Variants in FGGY observed in about 807,000 individuals in gnomAD.
FGGY encodes FGGY carbohydrate kinase domain-containing protein.
A neutral mutation model predicts 71.3 loss-of-function variants in FGGY; 72 were observed. That is an observed-to-expected ratio of 1.01 (90% CI 0.84 to 1.23). The LOEUF (loss-of-function observed/expected upper bound fraction) is 1.23. Among genes scored for constraint, FGGY ranks in the 50% most tolerant of loss-of-function variants. The pLI, the probability that FGGY is intolerant of heterozygous loss-of-function variation, is 0.00. For synonymous variants in FGGY, 251 were observed against 250.3 expected (o/e 1.00, Z -0.02); for missense variants, 668 against 682.3 (o/e 0.98, Z 0.23).
intron 8 of FGGY, among the ~76,000 whole-genome samples, chr1:59,557,737 G>T (rs2095713222): frequency 6.6e-6 from 1 of 152,138 alleles, no homozygotes; most frequent in African/African-American, 2.4e-5. Flanking sequence ...AAAGTCATGG[G>T]GTAAGATGGA....
intron 8 of FGGY, among the ~76,000 whole-genome samples, chr1:59,594,096 G>T (rs1415146735): frequency 1.3e-5 from 2 of 152,054 alleles, no homozygotes; most frequent in Non-Finnish European, 2.9e-5. Context: ...ACCCACTAGG[G>T]ACACAAATTG....
chr1:59,587,743 G>A (rs1367874250), intron 8 of FGGY, among the ~76,000 whole-genome samples: 1 of 152,170 alleles, frequency 6.6e-6, no homozygotes, highest in Non-Finnish European at 1.5e-5. Flanking sequence ...GGTCCTGTCT[G>A]TTAGAAGGAA....
rs945967277 is a variant in FGGY, at chr1:59,353,592, A to G, written c.465+7194A>G. The stretch of plus-strand genomic sequence containing the variant: ...GCTGTAAAGCTGATTAACTTACTTG[A>G]GTACCTTCTACTTGTTTCCCTTGAC... On this transcript the variant is annotated intron_variant, in intron 4 of 15. Coordinates refer to ENST00000303721, the MANE Select transcript of FGGY (RefSeq NM_018291.5). Among the ~76,000 whole-genome samples, 3 of 152,224 alleles carry G rather than the reference A, an allele frequency of 2.0e-5. No individual in the cohort carries two copies. In the South Asian group the frequency reaches 6.2e-4, roughly 32 times the overall value.
chr1:59,390,176 A>C (rs2060529895), intron 5 of FGGY, among the ~76,000 whole-genome samples: 1 of 152,162 alleles, frequency 6.6e-6, no homozygotes, highest in South Asian at 2.1e-4. Flanking sequence ...CTTTACCCTT[A>C]TTTTTGAGAA....
intron 2 of FGGY, among the ~76,000 whole-genome samples, chr1:59,322,818 G>A (rs534490368): frequency 5.9e-4 from 90 of 152,220 alleles, no homozygotes; most frequent in African/African-American, 2.2e-3. Context: ...AATGACAGAG[G>A]TCCTTTTGTC....
chr1:59,610,794 A>T (rs1301469792), intron 9 of FGGY, among the ~76,000 whole-genome samples: 2 of 152,222 alleles, frequency 1.3e-5, no homozygotes, highest in African/African-American at 2.4e-5. Flanking sequence ...GGCACCTGGA[A>T]AATTGGGTCA....
chr1:59,412,117 T>C (rs1571826132), intron 5 of FGGY, among the ~76,000 whole-genome samples: 1 of 152,210 alleles, frequency 6.6e-6, no homozygotes, highest in Admixed American at 6.5e-5. Context: ...CATCTCTTGT[T>C]CCAGCTGCCG....
At chr1:59,512,042 A>T (rs2094530708) in intron 6 of FGGY, among the ~76,000 whole-genome samples, 1 of 152,106 alleles carries the variant, frequency 6.6e-6, no homozygotes, top group African/African-American at 2.4e-5. Context: ...ATTCCTTTTG[A>T]AATTTCCCAT....
intron 5 of FGGY, among the ~76,000 whole-genome samples, chr1:59,402,158 G>A (rs2062053245): frequency 6.6e-6 from 1 of 152,174 alleles, no homozygotes; most frequent in East Asian, 1.9e-4. Context: ...GGACATGATG[G>A]ACAAAAGCAT....
At chr1:59,721,328 C>A (rs1415139256) in intron 14 of FGGY, among the ~76,000 whole-genome samples, 2 of 101,600 alleles carry the variant, frequency 2.0e-5, no homozygotes, top group Non-Finnish European at 3.7e-5. Flanking sequence ...TTTTTCTTTT[C>A]TTTCCTTTGT....
chr1:59,466,893 C>T (rs966861227), intron 6 of FGGY, among the ~76,000 whole-genome samples: 8 of 152,170 alleles, frequency 5.3e-5, no homozygotes, highest in African/African-American at 7.2e-5. Context: ...AACACTTTTA[C>T]ATTGTTGGTG....
At chr1:59,359,526 A>G (rs1413089526) in intron 4 of FGGY, among the ~76,000 whole-genome samples, 2 of 152,068 alleles carry the variant, frequency 1.3e-5, no homozygotes, top group African/African-American at 2.4e-5. Flanking sequence ...AGGTATTTGT[A>G]GTGAGAAAGA....
At chr1:59,366,253 A>G (rs1326337403) in intron 4 of FGGY, among the ~76,000 whole-genome samples, 1 of 152,236 alleles carries the variant, frequency 6.6e-6, no homozygotes, top group Non-Finnish European at 1.5e-5. Flanking sequence ...ATACAGTGGA[A>G]TTATTTCATT....
chr1:59,536,629 G>GCAGCACATCAAAAAGCTTATCCAC (rs2095322758), intron 7 of FGGY, among the ~76,000 whole-genome samples: 2 of 152,028 alleles, frequency 1.3e-5, no homozygotes, highest in Non-Finnish European at 2.9e-5. Context: ...AGCTTATCCA[G>GCAGCACATCAAAAAGCTTATCCAC]CAGCACATCA....
At chr1:59,546,951 T>A (rs1041444830) in intron 7 of FGGY, among the ~76,000 whole-genome samples, 31 of 68,674 alleles carry the variant, frequency 4.5e-4, no homozygotes, top group Non-Finnish European at 5.5e-4. Context: ...CCTTTTTGAC[T>A]TTTTTTTTTT....
chr1:59,550,354 G>A (rs540138329), intron 7 of FGGY, among the ~76,000 whole-genome samples: 11 of 152,102 alleles, frequency 7.2e-5, no homozygotes, highest in Admixed American at 5.2e-4. Flanking sequence ...CTCTTTTCTC[G>A]GGGATAGCCC....
intron 5 of FGGY, among the ~76,000 whole-genome samples, chr1:59,432,916 A>G (rs541304535): frequency 1.3e-4 from 20 of 152,298 alleles, no homozygotes; most frequent in African/African-American, 4.6e-4. Flanking sequence ...CTTACTTCAG[A>G]GCTCACCACT....
chr1:59,544,493 A>C (rs948888279), intron 7 of FGGY, among the ~76,000 whole-genome samples: 1 of 152,172 alleles, frequency 6.6e-6, no homozygotes, highest in African/African-American at 2.4e-5. Flanking sequence ...TCCTAGGTTT[A>C]ATGACCTGCT....
At chr1:59,669,230 G>A (rs1355107149) in intron 13 of FGGY, among the ~76,000 whole-genome samples, 4 of 152,124 alleles carry the variant, frequency 2.6e-5, no homozygotes, top group Non-Finnish European at 5.9e-5. Context: ...CCAGTATGGG[G>A]CAGGACCAAT....
Sources: gnomAD v4.1 joint callset for allele counts (sites outside exome capture counted in the v4.1 genomes callset) on GRCh38, gnomAD v4.1.1 for gene constraint, MANE v1.5 for transcripts, NCBI Gene and HGNC (gene_info 2026-07-23, HGNC 2026-07-21) for gene names.